Variants in XPO4 observed in about 807,000 individuals in gnomAD.
The protein encoded by XPO4 is exportin 4, also known as exportin-4.
A neutral mutation model predicts 143.0 loss-of-function variants in XPO4; 39 were observed. That is an observed-to-expected ratio of 0.27 (90% confidence interval 0.21 to 0.36). XPO4 has a LOEUF of 0.36. XPO4 is among the 10% of genes least tolerant of loss of function. The pLI is 1.00. For missense variants in XPO4, 907 were observed against 1,348.0 expected (o/e 0.67, Z 5.12); for synonymous variants, 439 against 474.0 (o/e 0.93, Z 0.96).
At position 20,783,783 on chromosome 13, in the gene XPO4, G is replaced by C. The variant is rs1375555995; in HGVS notation, c.3395C>G (p.Ala1132Gly). ...AAATTCTTCTAAACTCTTTAAGAAG[G>C]CCATCTTCTGCTTCCGATCCAGCGT... ...PPTLDRKQKM[A>G]FLKSLEEFMA... Residue 1132 changes from alanine to glycine, a missense_variant, in exon 23 of 23, where the codon GCC (alanine) becomes GGC (glycine). By Grantham distance (60) the Ala-to-Gly change is moderately conservative (BLOSUM62 0). Coordinates refer to ENST00000255305, the MANE Select transcript of XPO4 (RefSeq NM_022459.5). 6.2e-7 allele frequency: 1 copy of C among 1,614,194 alleles called. No homozygotes were observed. Among genetic ancestry groups the C allele is most frequent in the African/African-American group, 1.3e-5 (1 of 75,048 alleles).
chr13:20,846,690 C>T (rs1028831460), intron 4 of XPO4, among the ~76,000 whole-genome samples: 7 of 152,024 alleles, frequency 4.6e-5, no homozygotes, highest in African/African-American at 1.4e-4. Context: ...AAAAGCACAA[C>T]GAAAATAAAA....
intron 1 of XPO4, among the ~76,000 whole-genome samples, chr13:20,884,533 C>T (rs1374237584): frequency 2.6e-5 from 4 of 152,104 alleles, no homozygotes; most frequent in Middle Eastern, 3.4e-3. Context: ...CCTCAGCCTC[C>T]GGAGTAGCTG....
At chr13:20,813,198 G>C (rs1408399118) in intron 9 of XPO4, among the ~76,000 whole-genome samples, 1 of 152,042 alleles carries the variant, frequency 6.6e-6, no homozygotes, top group African/African-American at 2.4e-5. Flanking sequence ...CCCCCACCAG[G>C]TCCCCGCCCC....
chr13:20,872,829 T>C (rs575039798), intron 1 of XPO4, among the ~76,000 whole-genome samples: 12 of 152,276 alleles, frequency 7.9e-5, no homozygotes, highest in African/African-American at 2.9e-4. Flanking sequence ...TCATCATTCT[T>C]AAGGCTGTCT....
chr13:20,890,171 G>A (rs2060498562), intron 1 of XPO4, among the ~76,000 whole-genome samples: 1 of 152,202 alleles, frequency 6.6e-6, no homozygotes, highest in South Asian at 2.1e-4. Context: ...ATCAGGAGCT[G>A]GGCACGGTGG....
chr13:20,883,596 C>T (rs1285722225), intron 1 of XPO4, among the ~76,000 whole-genome samples: 1 of 152,078 alleles, frequency 6.6e-6, no homozygotes, highest in African/African-American at 2.4e-5. Context: ...GAAAAATGAT[C>T]TTTCAGGGAT....
intron 3 of XPO4, 83 bp downstream of exon 3, chr13:20,862,634 T>C (rs1159916413): frequency 5.1e-6 from 8 of 1,573,286 alleles, no homozygotes; most frequent in Non-Finnish European, 8.6e-7. Context: ...CCAAAAGTTT[T>C]TAAAATGCAA....
At chr13:20,891,025 G>A (rs897298717) in intron 1 of XPO4, among the ~76,000 whole-genome samples, 1 of 149,890 alleles carries the variant, frequency 6.7e-6, no homozygotes, top group Non-Finnish European at 1.5e-5. Context: ...GGTGAGGCAG[G>A]AGAGTTGCTT....
At chr13:20,816,852 G>C (rs1401195688) in intron 9 of XPO4, among the ~76,000 whole-genome samples, 1 of 152,124 alleles carries the variant, frequency 6.6e-6, no homozygotes, top group African/African-American at 2.4e-5. Flanking sequence ...ATAGTAACTA[G>C]TTTTCTTCCA....
At chr13:20,888,018 T>C (rs1387241095) in intron 1 of XPO4, among the ~76,000 whole-genome samples, 2 of 148,632 alleles carry the variant, frequency 1.3e-5, no homozygotes, top group Non-Finnish European at 3.0e-5. Context: ...CTACGAAAAA[T>C]AGAAAAATTA....
At chr13:20,787,185 C>G in intron 21 of XPO4, 128 bp from the exon 22 acceptor site, 1 of 864,812 alleles carries the variant, frequency 1.2e-6, no homozygotes, top group South Asian at 1.9e-5. Flanking sequence ...CTGAAATTTT[C>G]CTTAATGTTT....
intron 20 of XPO4, 97 bp from the exon 21 acceptor site, chr13:20,787,695 G>A (rs764636283): frequency 6.0e-5 from 56 of 936,790 alleles, no homozygotes; most frequent in Non-Finnish European, 9.0e-5. Flanking sequence ...AGTGTTTCTA[G>A]AAATGAATAC....
chr13:20,786,442 T>C (rs1291944791), intron 22 of XPO4, among the ~76,000 whole-genome samples: 1 of 152,038 alleles, frequency 6.6e-6, no homozygotes, highest in African/African-American at 2.4e-5. Context: ...ACCTATTCGA[T>C]CAGAAGTGGG....
At chr13:20,896,649 G>A (rs534937272) in intron 1 of XPO4, among the ~76,000 whole-genome samples, 29 of 152,062 alleles carry the variant, frequency 1.9e-4, no homozygotes, top group Admixed American at 3.9e-4. Context: ...CTTTTTTTCC[G>A]AAATGTCATA....
intron 3 of XPO4, among the ~76,000 whole-genome samples, chr13:20,861,871 C>G (rs2060203653): frequency 6.8e-6 from 1 of 146,136 alleles, no homozygotes; most frequent in Non-Finnish European, 1.5e-5. Flanking sequence ...TCACTGCAAC[C>G]TCTGCCTCCC....
chr13:20,817,702 T>C (rs1010314656), intron 9 of XPO4, among the ~76,000 whole-genome samples: 4 of 152,246 alleles, frequency 2.6e-5, no homozygotes, highest in African/African-American at 7.2e-5. Flanking sequence ...TCTAGTCATA[T>C]TCTCCTTGAA....
chr13:20,842,459 T>C (rs951591184), intron 6 of XPO4, among the ~76,000 whole-genome samples: 4 of 152,212 alleles, frequency 2.6e-5, no homozygotes, highest in Non-Finnish European at 5.9e-5. Context: ...TTATTACCTA[T>C]ACTTGAACAA....
chr13:20,880,074 G>A (rs1183709806), intron 1 of XPO4, among the ~76,000 whole-genome samples: 2 of 152,218 alleles, frequency 1.3e-5, no homozygotes, highest in Non-Finnish European at 2.9e-5. Context: ...TGATGAGGAT[G>A]TGGAGAAACT....
chr13:20,885,713 A>G (rs1411594315), intron 1 of XPO4, among the ~76,000 whole-genome samples: 1 of 152,188 alleles, frequency 6.6e-6, no homozygotes, highest in African/African-American at 2.4e-5. Flanking sequence ...CCAAGGCAGG[A>G]AGATCACATG....
Sources: allele counts gnomAD v4.1 joint callset (sites outside exome capture counted in the v4.1 genomes callset), GRCh38; gene constraint gnomAD v4.1.1; transcripts MANE v1.5; gene names NCBI Gene and HGNC (gene_info 2026-07-23, HGNC 2026-07-21).